DIP2C: variants seen among roughly 807,000 people sequenced by gnomAD.
The protein encoded by DIP2C is disco-interacting protein 2 homolog C.
A neutral mutation model predicts 192.4 loss-of-function variants in DIP2C; 33 were observed. That is an observed-to-expected ratio of 0.17 (90% CI 0.13 to 0.23). The LOEUF is 0.23. Among genes scored for constraint, DIP2C ranks in the 10% least tolerant of loss-of-function variants. DIP2C has a pLI of 1.00. For synonymous variants in DIP2C, 979 were observed against 864.1 expected (o/e 1.13, Z -2.33); for missense variants, 1,537 against 2,110.1 (o/e 0.73, Z 5.32).
At chr10:617,277 C>G (rs112769776) in intron 1 of DIP2C, among the ~76,000 whole-genome samples, 1 of 149,168 alleles carries the variant, frequency 6.7e-6, no homozygotes, top group African/African-American at 2.4e-5. Flanking sequence ...CAAATAGCAG[C>G]GGGGTAAGAG....
chr10:619,304 G>C (rs1214641595), intron 1 of DIP2C, among the ~76,000 whole-genome samples: 1 of 152,166 alleles, frequency 6.6e-6, no homozygotes, highest in African/African-American at 2.4e-5. Flanking sequence ...CACATTTCTG[G>C]AAACTGGAAT....
intron 3 of DIP2C, among the ~76,000 whole-genome samples, chr10:466,657 A>G (rs1461110176): frequency 6.7e-6 from 1 of 149,174 alleles, no homozygotes; most frequent in Non-Finnish European, 1.5e-5. Flanking sequence ...AAGGGCTAAT[A>G]TCCAGAATCT....
intron 10 of DIP2C, among the ~76,000 whole-genome samples, chr10:392,830 AC>A (rs762159509): frequency 4.1e-5 from 6 of 147,026 alleles, no homozygotes; most frequent in Non-Finnish European, 8.9e-5. Context: ...ACACACACAC[AC>A]GCCCACGCAC....
At chr10:674,091 A>G (rs1334936201) in intron 1 of DIP2C, among the ~76,000 whole-genome samples, 1 of 152,268 alleles carries the variant, frequency 6.6e-6, no homozygotes, top group Non-Finnish European at 1.5e-5. Context: ...ACTAAGTGAG[A>G]AAATCTTAAT....
chr10:503,309 AAG>A (rs1194112048), intron 1 of DIP2C, among the ~76,000 whole-genome samples: 1 of 152,260 alleles, frequency 6.6e-6, no homozygotes, highest in East Asian at 1.9e-4. Context: ...ATGAAAGGGA[AAG>A]AAACAGGACA....
intron 1 of DIP2C, among the ~76,000 whole-genome samples, chr10:553,873 C>A (rs1012376868): frequency 6.6e-6 from 1 of 150,546 alleles, no homozygotes; most frequent in Non-Finnish European, 1.5e-5. Flanking sequence ...TAACAGTGAA[C>A]AGGCAAGAAA....
At chr10:685,177 TATATATATAC>T (rs1306561065) in intron 1 of DIP2C, among the ~76,000 whole-genome samples, 211 of 19,996 alleles carry the variant, frequency 0.011, 2 homozygotes, top group African/African-American at 0.027. Context: ...TATATATATA[TATATATATAC>T]ATATATATAT....
At chr10:476,514 C>T (rs999618009) in intron 2 of DIP2C, among the ~76,000 whole-genome samples, 11 of 152,346 alleles carry the variant, frequency 7.2e-5, no homozygotes, top group East Asian at 1.9e-4. Context: ...CAAGCCAGGA[C>T]TATTACTTCT....
intron 2 of DIP2C, among the ~76,000 whole-genome samples, chr10:478,831 G>C (rs574127221): frequency 6.6e-6 from 1 of 151,976 alleles, no homozygotes; most frequent in African/African-American, 2.4e-5. Context: ...GTGTCCGGGC[G>C]TGCTGGGGGT....
At chr10:383,140 A>G (rs1486663604) in intron 16 of DIP2C, among the ~76,000 whole-genome samples, 1 of 152,262 alleles carries the variant, frequency 6.6e-6, no homozygotes, top group Non-Finnish European at 1.5e-5. Context: ...TATCAAGAAC[A>G]TATCAGCTAA....
At chr10:517,777 CTG>C (rs1277455174) in intron 1 of DIP2C, among the ~76,000 whole-genome samples, 1 of 151,610 alleles carries the variant, frequency 6.6e-6, no homozygotes, top group Non-Finnish European at 1.5e-5. Context: ...GCCACCCTCT[CTG>C]TGATAATATA....
At chr10:434,232 T>G (rs557535500) in intron 4 of DIP2C, among the ~76,000 whole-genome samples, 9 of 152,326 alleles carry the variant, frequency 5.9e-5, no homozygotes, top group African/African-American at 9.6e-5. Context: ...TTACATTAAA[T>G]CTATTAAGAA....
At chr10:500,171 G>A (rs1305254522) in intron 1 of DIP2C, among the ~76,000 whole-genome samples, 1 of 152,250 alleles carries the variant, frequency 6.6e-6, no homozygotes, top group Admixed American at 6.5e-5. Flanking sequence ...TGCAGGCAAT[G>A]TGCCAGCTTC....
chr10:542,237 G>A (rs768115052), intron 1 of DIP2C, among the ~76,000 whole-genome samples: 12 of 152,190 alleles, frequency 7.9e-5, no homozygotes, highest in East Asian at 1.9e-4. Flanking sequence ...CCTCCTGGGC[G>A]ATGCCAGGTG....
chr10:419,339 G>T, intron 5 of DIP2C, 140 bp from the exon 6 acceptor site: 4 of 1,206,816 alleles, frequency 3.3e-6, no homozygotes, highest in Non-Finnish European at 1.2e-6. Context: ...GATCTCAGCC[G>T]CATCTGCCAC....
chr10:576,362 T>C (rs925240688), intron 1 of DIP2C, among the ~76,000 whole-genome samples: 4 of 152,168 alleles, frequency 2.6e-5, no homozygotes, highest in African/African-American at 7.2e-5. Context: ...AAGGCAATGT[T>C]AAGAAGCGTT....
intron 32 of DIP2C, among the ~76,000 whole-genome samples, chr10:294,277 C>T (rs1450306250): frequency 6.6e-6 from 1 of 152,142 alleles, no homozygotes; most frequent in Non-Finnish European, 1.5e-5. Flanking sequence ...TAATCCCGAG[C>T]ACAGACCCCT....
intron 4 of DIP2C, among the ~76,000 whole-genome samples, chr10:431,115 T>TA (rs1966851562): frequency 6.6e-6 from 1 of 152,250 alleles, no homozygotes; most frequent in African/African-American, 2.4e-5. Flanking sequence ...ATCACTGATT[T>TA]ATAGTAAGTC....
At chr10:357,467 G>T (rs1281999761) in intron 23 of DIP2C, among the ~76,000 whole-genome samples, 1 of 152,214 alleles carries the variant, frequency 6.6e-6, no homozygotes, top group East Asian at 1.9e-4. Context: ...CCAGACATTT[G>T]CCTCGGTCCT....
Sources: allele counts gnomAD v4.1 joint callset (sites outside exome capture counted in the v4.1 genomes callset), GRCh38; gene constraint gnomAD v4.1.1; transcripts MANE v1.5; gene names NCBI Gene and HGNC (gene_info 2026-07-23, HGNC 2026-07-21).